UMAD1: variants seen among roughly 807,000 people sequenced by gnomAD.
UMAD1 encodes UBAP1-MVB12-associated (UMA) domain containing 1.
UMAD1 carries 8 observed loss-of-function variants against 6.1 expected under a neutral mutation model. That is an observed-to-expected ratio of 1.30 (90% CI 0.76 to 2.35). The LOEUF is 2.35. UMAD1 is among the 30% of genes most tolerant of loss of function. The pLI is 0.00. For missense variants in UMAD1, 130 were observed against 78.4 expected, an observed-to-expected ratio of 1.66 and a Z score of -2.49; for synonymous variants, 56 against 31.4, an observed-to-expected ratio of 1.78 and a Z score of -2.61.
At chr7:7,804,560 C>T (rs944407501) in intron 3 of UMAD1, among the ~76,000 whole-genome samples, 1 of 152,240 alleles carries the variant, frequency 6.6e-6, no homozygotes, top group African/African-American at 2.4e-5. Context: ...GTAATCCCAG[C>T]TACTCAGGAG....
chr7:7,710,582 C>T (rs1780730014), intron 2 of UMAD1, among the ~76,000 whole-genome samples: 1 of 152,074 alleles, frequency 6.6e-6, no homozygotes, highest in African/African-American at 2.4e-5. Context: ...TGAAGAGAAT[C>T]TGGATCACTT....
At chr7:7,811,070 C>T (rs1783012452) in intron 3 of UMAD1, among the ~76,000 whole-genome samples, 1 of 152,132 alleles carries the variant, frequency 6.6e-6, no homozygotes. Context: ...CTTATAAAGG[C>T]ATATTTTCCC....
At chr7:7,806,399 T>C (rs1782914709) in intron 3 of UMAD1, among the ~76,000 whole-genome samples, 1 of 152,212 alleles carries the variant, frequency 6.6e-6, no homozygotes, top group Non-Finnish European at 1.5e-5. Flanking sequence ...GCTTAGATTG[T>C]CTTTTATGAG....
chr7:7,675,495 GA>G (rs1210695944), intron 2 of UMAD1, among the ~76,000 whole-genome samples: 1 of 152,140 alleles, frequency 6.6e-6, no homozygotes, highest in Admixed American at 6.5e-5. Flanking sequence ...TTCTGCCTCC[GA>G]GTATTATCTA....
At chr7:7,738,593 C>T (rs1352605816) in intron 2 of UMAD1, 5 of 152,170 alleles carry the variant, frequency 3.3e-5, no homozygotes, top group African/African-American at 1.2e-4. Context: ...AAATTTTTTG[C>T]TTTAGCTTTA....
chr7:7,830,310 G>T lies in UMAD1; in HGVS notation c.156+28567G>T, dbSNP rs1327557946. Among the ~76,000 whole-genome samples the T allele has an allele frequency of 1.3e-5, 2 of 152,082 alleles. No individual in the cohort carries two copies. The highest frequency in any genetic ancestry group is 2.9e-5 in the Non-Finnish European group (2 of 68,000). On this transcript the variant is annotated intron_variant, in intron 3 of 3. Transcript: ENST00000682710. This position sits in a 1 kb window ranked among gnomAD's most constrained non-coding sequence, Gnocchi z 5.3. ...GTGGAATACCTTTTTTGTAGCAGCT[G>T]CTCTGGAGGTTAGCCCTGCCCTTCA...
intron 3 of UMAD1, among the ~76,000 whole-genome samples, chr7:7,803,543 C>A (rs571392258): frequency 6.6e-6 from 1 of 152,320 alleles, no homozygotes; most frequent in Non-Finnish European, 1.5e-5. Flanking sequence ...TCCACAATTA[C>A]TTGAGTTTCG....
At chr7:7,750,882 A>T (rs1781665382) in intron 2 of UMAD1, among the ~76,000 whole-genome samples, 1 of 152,210 alleles carries the variant, frequency 6.6e-6, no homozygotes, top group Non-Finnish European at 1.5e-5. Context: ...GCTGGATTTA[A>T]AAGTAGGAAA....
At chr7:7,667,679 A>C (rs1166139665) in intron 1 of UMAD1, among the ~76,000 whole-genome samples, 1 of 152,214 alleles carries the variant, frequency 6.6e-6, no homozygotes, top group Non-Finnish European at 1.5e-5. Context: ...AGAGCTGAGC[A>C]AGGCTTGGGA....
chr7:7,857,681 A>G (rs1563264650), intron 3 of UMAD1, among the ~76,000 whole-genome samples: 1 of 152,238 alleles, frequency 6.6e-6, no homozygotes, highest in Non-Finnish European at 1.5e-5. Flanking sequence ...TTAGGGATTA[A>G]AATAGTCCAA....
At chr7:7,746,195 G>A (rs759603757) in intron 2 of UMAD1, among the ~76,000 whole-genome samples, 2 of 152,236 alleles carry the variant, frequency 1.3e-5, no homozygotes. Context: ...TGCACTGTGT[G>A]TGGAGCTGAG....
intron 1 of UMAD1, among the ~76,000 whole-genome samples, chr7:7,652,707 G>A (rs1429453319): frequency 6.6e-6 from 1 of 152,170 alleles, no homozygotes; most frequent in South Asian, 2.1e-4. Flanking sequence ...GCCAATTTTG[G>A]GCCCTCAAAA....
At chr7:7,844,270 A>G (rs912077681) in intron 3 of UMAD1, among the ~76,000 whole-genome samples, 7 of 152,174 alleles carry the variant, frequency 4.6e-5, no homozygotes, top group Non-Finnish European at 8.8e-5. Flanking sequence ...ACATGAGGGC[A>G]CAAATTCTGA....
chr7:7,648,140 C>G (rs917657170), intron 1 of UMAD1, among the ~76,000 whole-genome samples: 1 of 152,176 alleles, frequency 6.6e-6, no homozygotes, highest in East Asian at 1.9e-4. Flanking sequence ...CTCCAGTGGC[C>G]TCCTTCTTCT....
At chr7:7,704,759 T>C (rs1230345429) in intron 2 of UMAD1, among the ~76,000 whole-genome samples, 1 of 89,672 alleles carries the variant, frequency 1.1e-5, no homozygotes, top group African/African-American at 4.5e-5. Context: ...AGAGCGAGAC[T>C]CCATCTCAAA....
At chr7:7,813,797 A>AT (rs1345342656) in intron 3 of UMAD1, among the ~76,000 whole-genome samples, 1 of 152,106 alleles carries the variant, frequency 6.6e-6, no homozygotes, top group African/African-American at 2.4e-5. Flanking sequence ...TTTCTACCTC[A>AT]TTGCCTTAGT....
At chr7:7,761,033 C>G (rs985265743) in intron 2 of UMAD1, among the ~76,000 whole-genome samples, 2 of 152,076 alleles carry the variant, frequency 1.3e-5, no homozygotes, top group East Asian at 3.8e-4. Flanking sequence ...GTGGGCAGGA[C>G]CACCACTGAC....
At chr7:7,649,197 A>G (rs568401011) in intron 1 of UMAD1, among the ~76,000 whole-genome samples, 5 of 152,126 alleles carry the variant, frequency 3.3e-5, no homozygotes, top group African/African-American at 1.2e-4. Context: ...AAAGAATAAA[A>G]AAGGAAAGGA....
At chr7:7,782,839 C>T (rs963740375) in intron 2 of UMAD1, among the ~76,000 whole-genome samples, 2 of 151,290 alleles carry the variant, frequency 1.3e-5, no homozygotes, top group Admixed American at 1.3e-4. Flanking sequence ...GAGCGATTCT[C>T]CTGCCTCAGC....
Sources: allele counts gnomAD v4.1 joint callset (sites outside exome capture counted in the v4.1 genomes callset), GRCh38; gene constraint gnomAD v4.1.1; non-coding constraint Gnocchi (gnomAD v3.1); transcripts MANE v1.5; gene names NCBI Gene and HGNC (gene_info 2026-07-23, HGNC 2026-07-21).